The following FLVCR1 variants were observed in gnomAD, a reference collection of about 807,000 sequenced individuals.
FLVCR1 encodes FLVCR choline and heme transporter 1.
FLVCR1 carries 34 observed loss-of-function variants against 53.6 expected under a neutral mutation model. The observed-to-expected ratio is 0.63, with a 90% CI of 0.48 to 0.84. The LOEUF (loss-of-function observed/expected upper bound fraction) is 0.84, where lower values mean the gene tolerates loss of function less well. FLVCR1 is among the 40% of genes least tolerant of loss of function. FLVCR1 has a pLI of 0.00. For missense variants in FLVCR1, 677 were observed against 696.7 expected (o/e 0.97, Z 0.32); for synonymous variants, 300 against 286.3 (o/e 1.05, Z -0.48).
At chr1:212,862,747 A>G (rs1220734340) in intron 1 of FLVCR1, among the ~76,000 whole-genome samples, 1 of 152,230 alleles carries the variant, frequency 6.6e-6, no homozygotes, top group Non-Finnish European at 1.5e-5. Context: ...TAAACTTATT[A>G]AGGAACTGCC....
At chr1:212,894,818 G>A (rs548881083) in intron 8 of FLVCR1, among the ~76,000 whole-genome samples, 168 bp from the exon 9 acceptor site, 49 of 152,198 alleles carry the variant, frequency 3.2e-4, no homozygotes, top group African/African-American at 1.1e-3. Flanking sequence ...CTTATTAATT[G>A]TTAACAACTT....
chr1:212,891,686 C>T (rs1296101107), intron 8 of FLVCR1, among the ~76,000 whole-genome samples: 5 of 152,014 alleles, frequency 3.3e-5, no homozygotes, highest in African/African-American at 1.2e-4. Context: ...AAATTATTAC[C>T]CCTACAGTGG....
At position 212,895,364 on chromosome 1, in the gene FLVCR1, A is replaced by G; in HGVS notation, c.*74A>G. On this transcript the variant is annotated 3_prime_UTR_variant, in exon 10 of 10. Transcript: ENST00000366971. ...ATCCTTGGAGAGAGATGTGAGCACC[A>G]AGGCTGGGTTTGTATGTGGTGGGGG... 4 of 1,151,982 alleles carry G rather than the reference A, an allele frequency of 3.5e-6. No individual in the cohort carries two copies. Among genetic ancestry groups the G allele is most frequent in the Non-Finnish European group, 1.3e-6 (1 of 759,692 alleles). The allele number at this position is 1,151,982 out of a possible 1,614,324, so 71.4% of individuals were successfully genotyped here.
At position 212,863,838 on chromosome 1, in the gene FLVCR1, T is replaced by A; in HGVS notation, c.852T>A (p.Val284=). ...CCATGTTTTATGGAACATCAGCTGTTGCCACACTTTTATTTATTTTAACAG... is the reference window on the plus strand; with the variant it reads ...CCATGTTTTATGGAACATCAGCTGTAGCCACACTTTTATTTATTTTAACAG... ...ISTMFYGTSA[V]ATLLFILTAI... Residue 284 remains valine (V), a synonymous_variant, in exon 2 of 10, where the codon GTT becomes GTA. Transcript: ENST00000366971. 6.2e-7 allele frequency: 1 copy of A among 1,613,846 alleles called. No individual in the cohort carries two copies. Among genetic ancestry groups the A allele is most frequent in the Non-Finnish European group, 8.5e-7 (1 of 1,179,704 alleles).
At chr1:212,859,992 A>G (rs1664171021) in intron 1 of FLVCR1, among the ~76,000 whole-genome samples, 2 of 152,036 alleles carry the variant, frequency 1.3e-5, no homozygotes, top group African/African-American at 2.4e-5. Flanking sequence ...CTGCTAACCA[A>G]AAGTTCTGGG....
At position 212,899,019 on chromosome 1, in the gene FLVCR1, A is replaced by G. The variant is rs1383040166; in HGVS notation, c.*3729A>G. ...ATAGGATCTCTGTCATATGTGGTCA[A>G]TTGTTGATCGAAACATGACTGTATG... On this transcript the variant is annotated 3_prime_UTR_variant, in exon 10 of 10. Coordinates refer to ENST00000366971, the MANE Select transcript of FLVCR1 (RefSeq NM_014053.4). 2.0e-5 allele frequency: 3 copies of G among 152,246 alleles called. No homozygotes were observed. The highest frequency in any genetic ancestry group is 1.3e-4 in the Admixed American group (2 of 15,284). The allele number at this position is 152,246 out of a possible 1,614,324, so 9.4% of individuals were successfully genotyped here. A position where few individuals can be genotyped will look rare whatever the true frequency, so the allele number is the denominator to read the frequency against.
In FLVCR1 at chr1:212,895,065, T is replaced by C. The variant is rs1313487918; in HGVS notation, c.1593+12T>C. ...TTGATGTTAAAGCTGTAAGTAATAT[T>C]TTTATGATTATACTGTTGAGAAGTA... On this transcript the variant is annotated intron_variant, in intron 9 of 9. Coordinates refer to ENST00000366971, the MANE Select transcript of FLVCR1 (RefSeq NM_014053.4). 8.1e-6 allele frequency: 12 copies of C among 1,480,598 alleles called. No individual in the cohort carries two copies. Among genetic ancestry groups the C allele is most frequent in the Non-Finnish European group, 1.1e-5 (12 of 1,058,330 alleles). The allele number at this position is 1,480,598 out of a possible 1,614,324, so 91.7% of individuals were successfully genotyped here.
At chr1:212,873,191 T>C (rs569082457) in intron 3 of FLVCR1, among the ~76,000 whole-genome samples, 1 of 151,874 alleles carries the variant, frequency 6.6e-6, no homozygotes, top group South Asian at 2.1e-4. Context: ...CACACGCCTG[T>C]AATCCCGGCT....
At position 212,858,438 on chromosome 1, in the gene FLVCR1, C is replaced by A; in HGVS notation, c.-15C>A. ...GTGGGGCGGGGGAGCGAGGTGGCGC[C>A]GGGGAGCCTGGGATATGGCGCGGCC... On this transcript the variant is annotated 5_prime_UTR_variant, in exon 1 of 10. Transcript: ENST00000366971. 7.0e-7 allele frequency: 1 copy of A among 1,431,650 alleles called. No individual in the cohort carries two copies. Among genetic ancestry groups the A allele is most frequent in the Non-Finnish European group, 9.1e-7 (1 of 1,097,934 alleles). The allele number at this position is 1,431,650 out of a possible 1,614,324, so 88.7% of individuals were successfully genotyped here. A position where few individuals can be genotyped will look rare whatever the true frequency, so the allele number is the denominator to read the frequency against.
chr1:212,884,299 A>T (rs1272319172), intron 4 of FLVCR1, among the ~76,000 whole-genome samples: 2 of 149,676 alleles, frequency 1.3e-5, no homozygotes, highest in African/African-American at 2.5e-5. Context: ...ATCCCCATTT[A>T]AAAAAAAAAC....
At chr1:212,866,596 A>C (rs1410661916) in intron 2 of FLVCR1, among the ~76,000 whole-genome samples, 1 of 152,168 alleles carries the variant, frequency 6.6e-6, no homozygotes, top group African/African-American at 2.4e-5. Flanking sequence ...AACTGCTACA[A>C]ATAAAAGATC....
chr1:212,886,219 T>C (rs1264328073), intron 5 of FLVCR1, among the ~76,000 whole-genome samples: 1 of 151,674 alleles, frequency 6.6e-6, no homozygotes, highest in South Asian at 2.1e-4. Context: ...TTTTTTGACT[T>C]TTTGATAGAG....
intron 1 of FLVCR1, among the ~76,000 whole-genome samples, chr1:212,859,756 A>AATC (rs1387719846): frequency 6.6e-6 from 1 of 151,834 alleles, no homozygotes; most frequent in Non-Finnish European, 1.5e-5. Context: ...TAATAATAAT[A>AATC]ATAATTAACT....
chr1:212,883,161 A>AG (rs1664968083), intron 3 of FLVCR1, among the ~76,000 whole-genome samples: 2 of 152,312 alleles, frequency 1.3e-5, no homozygotes, highest in East Asian at 3.9e-4. Context: ...CATCTTTAGT[A>AG]CAGTTAGGTG....
chr1:212,876,169 A>T (rs1337170832), intron 3 of FLVCR1, among the ~76,000 whole-genome samples: 1 of 151,722 alleles, frequency 6.6e-6, no homozygotes, highest in African/African-American at 2.4e-5. Flanking sequence ...ATTATTTCTG[A>T]TGCTCTTCCT....
intron 2 of FLVCR1, among the ~76,000 whole-genome samples, chr1:212,865,485 A>AGTTTTTTTTTTTTTT (rs1664385938): frequency 7.5e-6 from 1 of 133,656 alleles, no homozygotes; most frequent in Non-Finnish European, 1.5e-5. Flanking sequence ...TGCAATAGGG[A>AGTTTTTTTTTTTTTT]TTTTTTTTTT....
At chr1:212,878,132 T>C (rs1275707707) in intron 3 of FLVCR1, among the ~76,000 whole-genome samples, 1 of 152,092 alleles carries the variant, frequency 6.6e-6, no homozygotes, top group Non-Finnish European at 1.5e-5. Flanking sequence ...TTAGAGACCG[T>C]ATGTCCTACA....
rs1311338385 is a variant in FLVCR1, at chr1:212,858,826, GGATCCAGTA to G, written c.375_383del (p.Trp125_Tyr128delinsCys). ...TACTCGCTGGTCAACGCCTTTCAGT[GGATCCAGTA>G]CAGCATCATTAGCAACGTCTTCGAG... is the stretch of plus-strand genomic sequence containing the variant. On this transcript the variant is annotated inframe_deletion, in exon 1 of 10. Transcript: ENST00000366971. 1.2e-6 allele frequency: 2 copies of G among 1,614,126 alleles called. No homozygotes were observed. The highest frequency in any genetic ancestry group is 3.3e-5 in the Admixed American group (2 of 60,016).
Position 212,860,620 on chromosome 1 carries a change from A to T in FLVCR1, c.738+1430A>T, listed in dbSNP as rs538710931. Among the ~76,000 whole-genome samples, 9 of 151,382 alleles carry T rather than the reference A, an allele frequency of 5.9e-5. No individual in the cohort carries two copies. In the East Asian group the frequency reaches 1.7e-3, roughly 29 times the overall value. On this transcript the variant is annotated intron_variant, in intron 1 of 9. Coordinates refer to ENST00000366971, the MANE Select transcript of FLVCR1 (RefSeq NM_014053.4). ...ATTTTACTTTAATTCTCCTTATAGC[A>T]CTCATCCCTGTCTCATATGTTATTG... is the stretch of plus-strand genomic sequence containing the variant.
Sources: allele counts gnomAD v4.1 joint callset (sites outside exome capture counted in the v4.1 genomes callset), GRCh38; gene constraint gnomAD v4.1.1; transcripts MANE v1.5; gene names NCBI Gene and HGNC (gene_info 2026-07-23, HGNC 2026-07-21).